RAD52: variants seen among roughly 807,000 people sequenced by gnomAD.
RAD52 encodes the protein RAD52 DNA repair protein.
Under a neutral mutation model 55.5 loss-of-function variants are expected in RAD52, and 47 were observed. The observed-to-expected ratio is 0.85, with a 90% CI of 0.67 to 1.08. The LOEUF (loss-of-function observed/expected upper bound fraction) is 1.08. RAD52 is among the 50% of genes least tolerant of loss of function. The pLI, the probability that RAD52 is intolerant of heterozygous loss-of-function variation, is 0.00. For missense variants in RAD52, 468 were observed against 522.8 expected, an observed-to-expected ratio of 0.90 and a Z score of 1.02; for synonymous variants, 184 against 198.9, an observed-to-expected ratio of 0.92 and a Z score of 0.63.
intron 1 of RAD52, among the ~76,000 whole-genome samples, chr12:934,353 C>T (rs1469384244): frequency 6.6e-6 from 1 of 151,302 alleles, no homozygotes; most frequent in Non-Finnish European, 1.5e-5. Context: ...ATTCCAGCTA[C>T]TTGGGAGGCT....
chr12:926,889 T>C, intron 6 of RAD52: 1 of 1,536,378 alleles, frequency 6.5e-7, no homozygotes, highest in South Asian at 1.2e-5. Flanking sequence ...CACACATGAC[T>C]GAGTGCACGG....
intron 1 of RAD52, among the ~76,000 whole-genome samples, chr12:937,446 C>T (rs1343500715): frequency 2.0e-5 from 3 of 151,052 alleles, no homozygotes; most frequent in African/African-American, 4.9e-5. Context: ...TTTTCTGAGA[C>T]AGAGTCTCGC....
At chr12:954,714 T>C (rs939482737) in intron 1 of RAD52, among the ~76,000 whole-genome samples, 1 of 152,198 alleles carries the variant, frequency 6.6e-6, no homozygotes, top group South Asian at 2.1e-4. Flanking sequence ...TTAAAATCTC[T>C]TTCTGGTTGT....
In RAD52 at chr12:912,045, T is replaced by C. The variant is rs1246640870; in HGVS notation, c.*1346A>G. ...CCTCTCAAAAAAAAAGTTGTTAAAC[T>C]GCAAACTTCATTATTTTGGGGGAAG... is the stretch of plus-strand genomic sequence containing the variant. On this transcript the variant is annotated 3_prime_UTR_variant, in exon 12 of 12. Transcript: ENST00000358495. 22 of 200,426 alleles carry C rather than the reference T, an allele frequency of 1.1e-4. No homozygotes were observed. In the Admixed American group the frequency reaches 1.3e-3, roughly 12 times the overall value. 12.4% of individuals were successfully genotyped at this position (200,426 alleles called of 1,614,324 possible). A position where few individuals can be genotyped will look rare whatever the true frequency, so the allele number is the denominator to read the frequency against.
intron 7 of RAD52, among the ~76,000 whole-genome samples, chr12:921,880 C>T (rs1401771542): frequency 6.6e-6 from 1 of 151,830 alleles, no homozygotes; most frequent in African/African-American, 2.4e-5. Context: ...CCAAGGCGGG[C>T]GGATCACCTG....
upstream of RAD52, chr12:949,725 A>C (rs1189721001): frequency 6.9e-6 from 1 of 145,124 alleles, no homozygotes; most frequent in Non-Finnish European, 1.5e-5. Flanking sequence ...TCTGGGAAGA[A>C]GGTCCGAACC....
rs141199049 is a variant in RAD52 at position 955,919 on chromosome 12, T to C, written c.-18-22843A>G. Reference sequence around the variant, plus strand: ...CCTTAGCCTCCCTAGTAGCTGGGATTACAGGCATGCGCCACCATGCCCGGC... The same window carrying C: ...CCTTAGCCTCCCTAGTAGCTGGGATCACAGGCATGCGCCACCATGCCCGGC... On this transcript the variant is annotated intron_variant, in intron 1 of 11. Coordinates refer to the RAD52 transcript ENST00000430095. Among the ~76,000 whole-genome samples, 1,017 of 148,646 alleles carry C rather than the reference T, an allele frequency of 6.8e-3. 5 individuals carry two copies. Among genetic ancestry groups the C allele is most frequent in the African/African-American group, 0.024 (967 of 40,388 alleles).
chr12:935,445 G>A (rs139660464), intron 1 of RAD52, among the ~76,000 whole-genome samples: 100 of 150,296 alleles, frequency 6.7e-4, no homozygotes, highest in African/African-American at 2.1e-3. Context: ...CAGTGGTGTG[G>A]TCTCAGCTCA....
At chr12:968,998 A>G (rs1192528612) in intron 1 of RAD52, among the ~76,000 whole-genome samples, 1 of 152,126 alleles carries the variant, frequency 6.6e-6, no homozygotes, top group Non-Finnish European at 1.5e-5. Flanking sequence ...TTTGGACAAG[A>G]AAATGGATGG....
At chr12:988,165 G>A (rs967616339) in intron 1 of RAD52, among the ~76,000 whole-genome samples, 1 of 152,034 alleles carries the variant, frequency 6.6e-6, no homozygotes, top group Non-Finnish European at 1.5e-5. Flanking sequence ...TAAAGAGATG[G>A]GGTCTCATTA....
chr12:965,630 T>C (rs1192109727), intron 1 of RAD52, among the ~76,000 whole-genome samples: 1 of 152,022 alleles, frequency 6.6e-6, no homozygotes, highest in Middle Eastern at 3.2e-3. Context: ...CAGGTGACTA[T>C]GTTCTGGCCA....
At chr12:971,682 C>T (rs930700304) in intron 1 of RAD52, among the ~76,000 whole-genome samples, 1 of 152,014 alleles carries the variant, frequency 6.6e-6, no homozygotes, top group Non-Finnish European at 1.5e-5. Flanking sequence ...TTTAAAAGTA[C>T]AATGCCTAAC....
At chr12:965,914 G>A (rs1330810406) in intron 1 of RAD52, among the ~76,000 whole-genome samples, 2 of 151,964 alleles carry the variant, frequency 1.3e-5, no homozygotes, top group Non-Finnish European at 2.9e-5. Context: ...TCGAACTGCT[G>A]ACCTCATGAT....
At chr12:966,511 T>C (rs1287138640) in intron 1 of RAD52, among the ~76,000 whole-genome samples, 1 of 152,128 alleles carries the variant, frequency 6.6e-6, no homozygotes, top group Admixed American at 6.5e-5. Context: ...TGAGAAAAGA[T>C]AACTTGTTTA....
chr12:972,765 C>CAAAAA lies in RAD52; in HGVS notation c.-19+17039_-19+17043dup, dbSNP rs780150903. Among the ~76,000 whole-genome samples the CAAAAA allele has an allele frequency of 9.1e-3, 350 of 38,376 alleles. 4 individuals are homozygous for CAAAAA. The highest frequency in any genetic ancestry group is 0.04 in the Middle Eastern group (4 of 100). The allele number at this position is 38,376 out of a possible 152,430, so 25.2% of individuals were successfully genotyped here. ...TGGGCGACAGAGCGAGACTCCGTCT[C>CAAAAA]AAAAAAAAAAAAAAAAAAAAAAAGG... is the stretch of plus-strand genomic sequence containing the variant. On this transcript the variant is annotated intron_variant, in intron 1 of 11. Transcript: ENST00000430095.
At chr12:928,341 G>GTCTC (rs1957151512) in intron 5 of RAD52, among the ~76,000 whole-genome samples, 1 of 152,046 alleles carries the variant, frequency 6.6e-6, no homozygotes, top group African/African-American at 2.4e-5. Context: ...GAGAAACCGC[G>GTCTC]TCTCTACTGA....
chr12:913,196 T>C lies in RAD52; in HGVS notation c.*195A>G, dbSNP rs1396131172. 5.0e-6 allele frequency: 3 copies of C among 598,944 alleles called. No homozygotes were observed. Among genetic ancestry groups the C allele is most frequent in the African/African-American group, 3.8e-5 (2 of 53,112 alleles). 37.1% of individuals were successfully genotyped at this position (598,944 alleles called of 1,614,324 possible). ...CCAGAGCCTCTCCCTACTAGAGTGA[T>C]GGACAAGCTTTTCAAAAGTGCTCAG... is the stretch of plus-strand genomic sequence containing the variant. On this transcript the variant is annotated 3_prime_UTR_variant, in exon 12 of 12. Coordinates refer to ENST00000358495, the MANE Select transcript of RAD52 (RefSeq NM_134424.4).
At chr12:920,389 T>A (rs1956655733) in intron 7 of RAD52, among the ~76,000 whole-genome samples, 1 of 117,846 alleles carries the variant, frequency 8.5e-6, no homozygotes, top group Admixed American at 8.3e-5. Context: ...ACCCCGTCTC[T>A]ACTAAAAATA....
At chr12:986,773 CT>C (rs1286352760) in intron 1 of RAD52, among the ~76,000 whole-genome samples, 1 of 140,624 alleles carries the variant, frequency 7.1e-6, no homozygotes, top group Non-Finnish European at 1.5e-5. Context: ...ATCATAGTAA[CT>C]GATTATTCTG....
Sources: gnomAD v4.1 joint callset for allele counts (sites outside exome capture counted in the v4.1 genomes callset) on GRCh38, gnomAD v4.1.1 for gene constraint, MANE v1.5 for transcripts, NCBI Gene and HGNC (gene_info 2026-07-23, HGNC 2026-07-21) for gene names.